The following DCAF6 variants were observed in gnomAD, a reference collection of about 807,000 sequenced individuals.
DCAF6 encodes the protein DDB1- and CUL4-associated factor 6.
A neutral mutation model predicts 125.1 loss-of-function variants in DCAF6; 54 were observed. The ratio of observed to expected loss-of-function variants is 0.43; its 90% CI spans 0.35 to 0.54. The LOEUF is 0.54. Ranked by LOEUF, DCAF6 falls within the 20% of genes least tolerant of loss-of-function variation. The pLI, the probability that DCAF6 is intolerant of heterozygous loss-of-function variation, is 0.01. For missense variants in DCAF6, 934 were observed against 1,161.7 expected, an observed-to-expected ratio of 0.80 and a Z score of 2.85; for synonymous variants, 371 against 390.4, an observed-to-expected ratio of 0.95 and a Z score of 0.58.
At chr1:167,924,188 A>G in the DCAF6 span, among the ~76,000 whole-genome samples, 4 of 152,180 alleles carry the variant, frequency 2.6e-5, no homozygotes, top group Non-Finnish European at 5.9e-5. Context: ...TGGGGGTTCT[A>G]ACTAGCTTAA....
the DCAF6 span, among the ~76,000 whole-genome samples, chr1:167,921,847 T>C: frequency 6.6e-6 from 1 of 152,158 alleles, no homozygotes; most frequent in Non-Finnish European, 1.5e-5. Flanking sequence ...AAAAGACTGA[T>C]TGTCAATGAA....
chr1:168,044,752 G>T, intron 15 of DCAF6, 81 bp downstream of exon 15: 1 of 1,416,062 alleles, frequency 7.1e-7, no homozygotes, highest in South Asian at 1.2e-5. Context: ...ATAGTTAGAG[G>T]CCATGTTCAA....
chr1:167,864,713 C>G, the DCAF6 span, among the ~76,000 whole-genome samples: 1 of 151,592 alleles, frequency 6.6e-6, no homozygotes, highest in African/African-American at 2.4e-5. Flanking sequence ...AATTTAAAAC[C>G]TAAAATTGAT....
chr1:167,915,359 T>C, the DCAF6 span, among the ~76,000 whole-genome samples: 5 of 152,222 alleles, frequency 3.3e-5, no homozygotes, highest in Non-Finnish European at 7.3e-5. Flanking sequence ...TCAGAAACCG[T>C]GCAAATAGGT....
At chr1:167,934,233 A>G (rs1670993442), upstream of DCAF6, among the ~76,000 whole-genome samples, 1 of 152,220 alleles carries the variant, frequency 6.6e-6, no homozygotes. Context: ...GGATCAAGGT[A>G]AGACTACCCT....
chr1:167,982,439 C>G (rs1679336861), intron 4 of DCAF6, among the ~76,000 whole-genome samples: 1 of 152,104 alleles, frequency 6.6e-6, no homozygotes. Flanking sequence ...GATGGGGTTT[C>G]ACCGCGTCAA....
intron 7 of DCAF6, among the ~76,000 whole-genome samples, chr1:168,002,046 A>T (rs1682718327): frequency 2.0e-5 from 3 of 152,202 alleles, no homozygotes; most frequent in Admixed American, 1.3e-4. Flanking sequence ...GTCAATAATG[A>T]GTAAATTGTC....
At chr1:168,071,007 T>C (rs1692950071) in intron 21 of DCAF6, among the ~76,000 whole-genome samples, 1 of 152,232 alleles carries the variant, frequency 6.6e-6, no homozygotes, top group Non-Finnish European at 1.5e-5. Context: ...GTTATCCTAT[T>C]GAGATCACAA....
chr1:167,959,129 C>T (rs184997323), intron 2 of DCAF6, among the ~76,000 whole-genome samples: 26 of 152,332 alleles, frequency 1.7e-4, no homozygotes, highest in Non-Finnish European at 1.9e-4. Context: ...ATTGGAATCA[C>T]ATAGTATGTA....
At chr1:167,896,634 T>C in the DCAF6 span, 1 of 1,613,778 alleles carries the variant, frequency 6.2e-7, no homozygotes, top group Non-Finnish European at 8.5e-7. Context: ...ATGAAGGTCG[T>C]ACACTTTGTG....
At chr1:168,030,419 C>T (rs1686923986) in intron 12 of DCAF6, among the ~76,000 whole-genome samples, 1 of 152,094 alleles carries the variant, frequency 6.6e-6, no homozygotes, top group Non-Finnish European at 1.5e-5. Context: ...TTTTAGGTTT[C>T]GCATTTTTAT....
At chr1:167,865,777 C>G in the DCAF6 span, among the ~76,000 whole-genome samples, 2 of 152,196 alleles carry the variant, frequency 1.3e-5, no homozygotes, top group Non-Finnish European at 2.9e-5. Context: ...GCACATTAAA[C>G]AAAAGCAGTT....
At chr1:168,070,608 G>C (rs1162421239) in intron 21 of DCAF6, among the ~76,000 whole-genome samples, 1 of 152,168 alleles carries the variant, frequency 6.6e-6, no homozygotes, top group Non-Finnish European at 1.5e-5. Context: ...ACCTGCTAAA[G>C]ATTCTGGTTC....
At chr1:167,915,711 A>C in the DCAF6 span, among the ~76,000 whole-genome samples, 10 of 152,114 alleles carry the variant, frequency 6.6e-5, no homozygotes, top group African/African-American at 2.4e-4. Flanking sequence ...TCGGCCTCTC[A>C]AAGTGCTGGG....
At chr1:167,985,225 T>TGG (rs915267792) in intron 4 of DCAF6, among the ~76,000 whole-genome samples, 6 of 150,904 alleles carry the variant, frequency 4.0e-5, no homozygotes, top group Admixed American at 6.6e-5. Context: ...TGTGTGTGTG[T>TGG]GGTGTGTGTG....
At chr1:168,059,303 C>G (rs946456956) in intron 17 of DCAF6, among the ~76,000 whole-genome samples, 1 of 152,200 alleles carries the variant, frequency 6.6e-6, no homozygotes, top group South Asian at 2.1e-4. Flanking sequence ...TGCTATCCCA[C>G]CTATGTCATA....
At chr1:167,927,473 G>A in the DCAF6 span, among the ~76,000 whole-genome samples, 1 of 152,088 alleles carries the variant, frequency 6.6e-6, no homozygotes, top group Non-Finnish European at 1.5e-5. Flanking sequence ...ATGGAGTTTC[G>A]CTTCATCAAT....
At chr1:167,905,237 C>T in the DCAF6 span, 4 of 1,367,812 alleles carry the variant, frequency 2.9e-6, no homozygotes, top group Non-Finnish European at 4.2e-6. Flanking sequence ...CTGATATATT[C>T]ATTTGCTCAT....
At chr1:167,964,353 C>T (rs978907350) in intron 2 of DCAF6, among the ~76,000 whole-genome samples, 15 of 152,100 alleles carry the variant, frequency 9.9e-5, no homozygotes, top group Admixed American at 6.5e-4. Context: ...GTTTTGTTTC[C>T]GTTACTGCTT....
Sources: gnomAD v4.1 joint callset for allele counts (sites outside exome capture counted in the v4.1 genomes callset) on GRCh38, gnomAD v4.1.1 for gene constraint, MANE v1.5 for transcripts, NCBI Gene and HGNC (gene_info 2026-07-23, HGNC 2026-07-21) for gene names.